Variants in MAP3K13 observed in about 807,000 individuals in gnomAD.
MAP3K13 encodes mitogen-activated protein kinase kinase kinase 13.
MAP3K13 carries 52 observed loss-of-function variants against 104.0 expected under a neutral mutation model. The observed-to-expected ratio is 0.50, with a 90% confidence interval of 0.40 to 0.63. The LOEUF is 0.63. Among genes scored for constraint, MAP3K13 ranks in the 20% least tolerant of loss-of-function variants. The pLI, the probability that MAP3K13 is intolerant of heterozygous loss-of-function variation, is 0.00. For synonymous variants in MAP3K13, 394 were observed against 442.2 expected (o/e 0.89, Z 1.37); for missense variants, 914 against 1,218.5 (o/e 0.75, Z 3.72).
At chr3:185,440,762 C>T (rs1431961319) in intron 3 of MAP3K13, among the ~76,000 whole-genome samples, 3 of 152,164 alleles carry the variant, frequency 2.0e-5, no homozygotes, top group Non-Finnish European at 4.4e-5. Context: ...TCATCACTTA[C>T]AGCAGCTGAA....
At chr3:185,331,259 A>T (rs2108707722) in intron 2 of MAP3K13, among the ~76,000 whole-genome samples, 1 of 151,578 alleles carries the variant, frequency 6.6e-6, no homozygotes, top group Middle Eastern at 3.4e-3. Flanking sequence ...ATGCCCAGCT[A>T]ATTTTGTATT....
chr3:185,451,089 C>CA (rs1015700324), intron 6 of MAP3K13, among the ~76,000 whole-genome samples, 198 bp from the exon 7 acceptor site: 7 of 150,840 alleles, frequency 4.6e-5, no homozygotes, highest in Non-Finnish European at 8.9e-5. Context: ...GACTCCGTCT[C>CA]AAAAAAAAGA....
chr3:185,454,618 A>C (rs1347746333), intron 7 of MAP3K13, among the ~76,000 whole-genome samples: 1 of 51,660 alleles, frequency 1.9e-5, no homozygotes, highest in Non-Finnish European at 4.5e-5. Context: ...TATATGATAT[A>C]TATATGAGAT....
intron 2 of MAP3K13, among the ~76,000 whole-genome samples, chr3:185,339,744 A>G (rs1027756719): frequency 2.0e-5 from 3 of 152,256 alleles, no homozygotes; most frequent in Non-Finnish European, 4.4e-5. Flanking sequence ...TTATTTGTAA[A>G]AATAAGCAGC....
intron 8 of MAP3K13, 80 bp downstream of exon 8, chr3:185,463,739 T>C (rs1052171312): frequency 7.5e-6 from 6 of 798,484 alleles, no homozygotes; most frequent in Non-Finnish European, 1.3e-5. Flanking sequence ...ATAACCACCA[T>C]TTCACTTTCC....
chr3:185,441,140 T>C (rs947954577), intron 3 of MAP3K13, among the ~76,000 whole-genome samples: 1 of 152,182 alleles, frequency 6.6e-6, no homozygotes, highest in Non-Finnish European at 1.5e-5. Flanking sequence ...CTAGTTGTGA[T>C]TAGGACAAGT....
intron 1 of MAP3K13, among the ~76,000 whole-genome samples, chr3:185,283,638 C>G (rs1425702251): frequency 6.6e-6 from 1 of 152,104 alleles, no homozygotes; most frequent in Non-Finnish European, 1.5e-5. Context: ...ATACCCAGTA[C>G]ATTGTTGGTT....
chr3:185,435,196 G>A (rs1714965886), intron 2 of MAP3K13, among the ~76,000 whole-genome samples: 1 of 147,434 alleles, frequency 6.8e-6, no homozygotes, highest in African/African-American at 2.5e-5. Flanking sequence ...ATTTTTAATA[G>A]AGACGGGGTT....
intron 4 of MAP3K13, among the ~76,000 whole-genome samples, chr3:185,446,991 C>G (rs1279366104): frequency 6.6e-6 from 1 of 152,152 alleles, no homozygotes; most frequent in Non-Finnish European, 1.5e-5. Context: ...CCTTAGACAT[C>G]CAGCGAGGTC....
chr3:185,451,244 G>T (rs754790557), intron 6 of MAP3K13, 43 bp from the exon 7 acceptor site: 1 of 1,376,980 alleles, frequency 7.3e-7, no homozygotes, highest in East Asian at 2.3e-5. Flanking sequence ...CATTCTCCTG[G>T]ATACAACTTC....
At chr3:185,293,391 G>A (rs545731374) in intron 2 of MAP3K13, among the ~76,000 whole-genome samples, 5 of 151,416 alleles carry the variant, frequency 3.3e-5, no homozygotes, top group East Asian at 2.0e-4. Flanking sequence ...GATTACAGGC[G>A]TGAGCCACCA....
intron 7 of MAP3K13, among the ~76,000 whole-genome samples, chr3:185,462,891 C>G (rs892822506): frequency 6.6e-6 from 1 of 152,202 alleles, no homozygotes; most frequent in Non-Finnish European, 1.5e-5. Context: ...TTTTGAACAA[C>G]TTCAACCATG....
chr3:185,474,435 C>T (rs1717991063), intron 11 of MAP3K13, among the ~76,000 whole-genome samples: 1 of 152,164 alleles, frequency 6.6e-6, no homozygotes, highest in Non-Finnish European at 1.5e-5. Flanking sequence ...AAGTAAAGAG[C>T]CTGTTATAGA....
Position 185,418,713 on chromosome 3 carries a change from G to A in MAP3K13, c.-85-9784G>A, listed in dbSNP as rs967454937. ...GAGCCTTGAATACAGCAGGCTAAGT[G>A]ACATTTTTGCCAGATGACTCCCCCT... On this transcript the variant is annotated intron_variant, in intron 1 of 13. Coordinates refer to ENST00000265026, the MANE Select transcript of MAP3K13 (RefSeq NM_004721.5). The surrounding 1 kb of genome is among the most constrained non-coding windows in gnomAD (Gnocchi z 4.5). 1 of 1,610,764 alleles carries A rather than the reference G, an allele frequency of 6.2e-7. No individual in the cohort carries two copies. Among genetic ancestry groups the A allele is most frequent in the African/African-American group, 1.3e-5 (1 of 74,880 alleles).
chr3:185,334,734 G>A (rs1460481585), intron 2 of MAP3K13, among the ~76,000 whole-genome samples: 1 of 151,740 alleles, frequency 6.6e-6, no homozygotes. Flanking sequence ...TCAGCCTCCC[G>A]AGTAGCTGGG....
Position 185,428,831 on chromosome 3 carries a change from G to A in MAP3K13, c.250G>A (p.Val84Ile), listed in dbSNP as rs750919427. 96 of 1,614,024 alleles carry A rather than the reference G, an allele frequency of 5.9e-5. No homozygotes were observed. Among genetic ancestry groups the A allele is most frequent in the Admixed American group, 1.7e-4 (10 of 59,998 alleles). Reference protein sequence around the residue: ...EDSRDQFENSVLQLREHDESE... With the variant: ...EDSRDQFENSILQLREHDESE... ...TTCCAGGGACCAGTTTGAGAACAGCGTTCTTCAGCTAAGGGAACACGATGA... is the reference window on the plus strand; with the variant it reads ...TTCCAGGGACCAGTTTGAGAACAGCATTCTTCAGCTAAGGGAACACGATGA... The change falls in exon 2 of 14, where the codon GTT becomes ATT. Residue 84 changes from valine to isoleucine, a missense_variant. Val to Ile is a conservative substitution (Grantham distance 29). Coordinates refer to ENST00000265026, the MANE Select transcript of MAP3K13 (RefSeq NM_004721.5).
intron 1 of MAP3K13, among the ~76,000 whole-genome samples, chr3:185,399,591 G>T (rs1179858150): frequency 7.2e-6 from 1 of 139,576 alleles, no homozygotes; most frequent in Non-Finnish European, 1.5e-5. Context: ...CTGGGCATAG[G>T]GTGAGACTCC....
rs1716258230 is a variant in MAP3K13 at position 185,454,736 on chromosome 3, TATATATATC to T, written c.1278+3350_1278+3358del. ...TATGAGATATATATGATATATATGA[TATATATATC>T]ATATATATGAGATATATATGACATA... On this transcript the variant is annotated intron_variant, in intron 7 of 13. Transcript: ENST00000265026. Among the ~76,000 whole-genome samples the T allele has an allele frequency of 3.2e-4, 4 of 12,566 alleles. 1 individual carries two copies. In the South Asian group the frequency reaches 0.015, roughly 47 times the overall value. 8.2% of individuals were successfully genotyped at this position (12,566 alleles called of 152,430 possible).
At chr3:185,353,106 C>G (rs1478838983) in intron 2 of MAP3K13, among the ~76,000 whole-genome samples, 1 of 152,196 alleles carries the variant, frequency 6.6e-6, no homozygotes, top group African/African-American at 2.4e-5. Flanking sequence ...CACTTTAAAA[C>G]AGAGTTTTTC....
Sources: allele counts gnomAD v4.1 joint callset (sites outside exome capture counted in the v4.1 genomes callset), GRCh38; gene constraint gnomAD v4.1.1; non-coding constraint Gnocchi (gnomAD v3.1); transcripts MANE v1.5; gene names NCBI Gene and HGNC (gene_info 2026-07-23, HGNC 2026-07-21).